TRPM3: variants seen among roughly 807,000 people sequenced by gnomAD.
The protein encoded by TRPM3 is long transient receptor potential channel 3.
A neutral mutation model predicts 181.2 loss-of-function variants in TRPM3; 77 were observed. That is an observed-to-expected ratio of 0.42 (90% CI 0.35 to 0.51). TRPM3 has a LOEUF of 0.51. Ranked by LOEUF, TRPM3 falls within the 20% of genes least tolerant of loss-of-function variation. The probability of loss-of-function intolerance (pLI) is 0.01; values close to 1 mark genes in which losing one functional copy is unlikely to be tolerated. For missense variants in TRPM3, 1,759 were observed against 2,196.7 expected (o/e 0.80, Z 3.98); for synonymous variants, 745 against 796.4 (o/e 0.94, Z 1.09).
chr9:71,315,116 C>T (rs2088434683), intron 1 of TRPM3, among the ~76,000 whole-genome samples: 1 of 152,070 alleles, frequency 6.6e-6, no homozygotes. Context: ...GTTTAATAAG[C>T]ACTGATACCC....
At chr9:71,353,667 A>G (rs2091766211) in intron 1 of TRPM3, among the ~76,000 whole-genome samples, 1 of 152,176 alleles carries the variant, frequency 6.6e-6, no homozygotes, top group Non-Finnish European at 1.5e-5. Flanking sequence ...TCCTTGACAG[A>G]TATCGCTCTT....
At chr9:71,146,380 G>A (rs1335928102) in intron 1 of TRPM3, among the ~76,000 whole-genome samples, 2 of 152,118 alleles carry the variant, frequency 1.3e-5, no homozygotes, top group South Asian at 4.1e-4. Flanking sequence ...ACATGTCAAA[G>A]ACGAAATTTT....
intron 1 of TRPM3, among the ~76,000 whole-genome samples, chr9:71,429,621 A>G (rs761644348): frequency 6.6e-6 from 1 of 152,186 alleles, no homozygotes; most frequent in Non-Finnish European, 1.5e-5. Flanking sequence ...TGCTTTCAAT[A>G]AAACATTTTA....
intron 25 of TRPM3, among the ~76,000 whole-genome samples, chr9:70,544,656 G>A (rs191331832): frequency 2.2e-4 from 34 of 151,996 alleles, no homozygotes; most frequent in Admixed American, 7.9e-4. Flanking sequence ...TCAAACAAAC[G>A]ATGGCCTAAA....
chr9:70,675,010 G>A (rs917524963), intron 9 of TRPM3, among the ~76,000 whole-genome samples: 2 of 152,014 alleles, frequency 1.3e-5, no homozygotes, highest in Admixed American at 1.3e-4. Context: ...CTAATCAACA[G>A]TATGCTTTCC....
At chr9:71,342,543 A>G (rs532287292) in intron 1 of TRPM3, among the ~76,000 whole-genome samples, 11 of 152,188 alleles carry the variant, frequency 7.2e-5, no homozygotes, top group South Asian at 6.2e-4. Context: ...TAAGTGAAAA[A>G]TGTGAAGAGA....
chr9:71,338,982 G>C (rs1437044646), intron 1 of TRPM3, among the ~76,000 whole-genome samples: 1 of 152,126 alleles, frequency 6.6e-6, no homozygotes, highest in East Asian at 1.9e-4. Flanking sequence ...GGAATGGCTA[G>C]AGAACCAATG....
At chr9:71,296,996 T>C (rs1032926153) in intron 1 of TRPM3, among the ~76,000 whole-genome samples, 1 of 145,218 alleles carries the variant, frequency 6.9e-6, no homozygotes, top group Non-Finnish European at 1.5e-5. Flanking sequence ...TTCTTTTTTT[T>C]TTTTTTTTTT....
At chr9:70,801,758 G>A (rs576141936) in intron 6 of TRPM3, among the ~76,000 whole-genome samples, 1 of 142,066 alleles carries the variant, frequency 7.0e-6, no homozygotes, top group South Asian at 2.2e-4. Flanking sequence ...GGATCTATTT[G>A]ATTGCAACAA....
intron 1 of TRPM3, among the ~76,000 whole-genome samples, chr9:71,113,328 A>G (rs914414371): frequency 1.3e-5 from 2 of 152,184 alleles, no homozygotes; most frequent in South Asian, 4.1e-4. Context: ...AGGATGGGAG[A>G]AAACAAGGCA....
rs776585817 is a variant in TRPM3, at chr9:71,121,343, C to A, written c.12G>T (p.Pro4=). The A allele has an allele frequency of 5.6e-6, 9 of 1,613,648 alleles. No individual in the cohort carries two copies. Among genetic ancestry groups the A allele is most frequent in the African/African-American group, 2.7e-5 (2 of 74,890 alleles). MPE[P]WGTVYFLGIA... ...TGCCTAGAAAATAAACGGTCCCCCA[C>A]GGCTCTGGCATCCCATGGTCATCTC... The change falls in exon 1 of 26, where the codon CCG becomes CCT. Residue 4 remains proline (P), a synonymous_variant. Coordinates refer to ENST00000677713, the MANE Select transcript of TRPM3 (RefSeq NM_001366145.2).
At chr9:71,415,965 C>T (rs1032582037) in intron 1 of TRPM3, among the ~76,000 whole-genome samples, 5 of 151,078 alleles carry the variant, frequency 3.3e-5, no homozygotes, top group African/African-American at 9.7e-5. Flanking sequence ...TTGCCTGAGG[C>T]GTTGAGAAAA....
intron 1 of TRPM3, among the ~76,000 whole-genome samples, chr9:71,405,959 T>A (rs140400500): frequency 6.6e-6 from 1 of 152,154 alleles, no homozygotes; most frequent in East Asian, 1.9e-4. Context: ...TCATTTAATA[T>A]CGCGTTATCT....
rs7872254 is a variant in TRPM3, at chr9:70,851,312, C to T, written c.463-4721G>A. Among the ~76,000 whole-genome samples, 620 of 152,312 alleles carry T rather than the reference C, an allele frequency of 4.1e-3. 7 individuals are homozygous for T. Among genetic ancestry groups the T allele is most frequent in the African/African-American group, 0.014 (588 of 41,570 alleles). On this transcript the variant is annotated intron_variant, in intron 3 of 25. Coordinates refer to ENST00000677713, the MANE Select transcript of TRPM3 (RefSeq NM_001366145.2). ...TAGATATGCATACATTATTAACTCA[C>T]ATAGTGTGAAGGGAGATTACAATTC...
At chr9:70,643,453 A>G (rs1418552689) in intron 9 of TRPM3, among the ~76,000 whole-genome samples, 1 of 152,240 alleles carries the variant, frequency 6.6e-6, no homozygotes, top group African/African-American at 2.4e-5. Flanking sequence ...GGTGAGCTAC[A>G]GGCCTGAATG....
At chr9:70,870,372 A>G (rs2095762185) in intron 1 of TRPM3, among the ~76,000 whole-genome samples, 1 of 152,056 alleles carries the variant, frequency 6.6e-6, no homozygotes, top group African/African-American at 2.4e-5. Context: ...ACATTATGAT[A>G]AATAAGAACC....
At chr9:70,563,330 C>T (rs1588460681) in intron 22 of TRPM3, among the ~76,000 whole-genome samples, 1 of 152,276 alleles carries the variant, frequency 6.6e-6, no homozygotes, top group East Asian at 1.9e-4. Context: ...GTGCTTATGG[C>T]GTTAAGTTCT....
rs552901139 is a variant in TRPM3 at position 70,790,006 on chromosome 9, CTCTT to C, written c.974-5731_974-5728del. On this transcript the variant is annotated intron_variant, in intron 6 of 25. Coordinates refer to ENST00000677713, the MANE Select transcript of TRPM3 (RefSeq NM_001366145.2). ...ATTCTAAGCAGTCTTTCTTCTTCTT[CTCTT>C]TATTAACAGCAATTAACTCTCTCTG... Among the ~76,000 whole-genome samples, 5 of 152,304 alleles carry C rather than the reference CTCTT, an allele frequency of 3.3e-5. No individual in the cohort carries two copies. The South Asian group carries it at 1.0e-3, about 32-fold the overall frequency.
intron 1 of TRPM3, among the ~76,000 whole-genome samples, chr9:70,877,659 T>C (rs991581606): frequency 2.6e-5 from 4 of 151,988 alleles, no homozygotes; most frequent in African/African-American, 7.2e-5. Context: ...GGAAACCAAG[T>C]ATCCTAATTC....
Sources: gnomAD v4.1 joint callset for allele counts (sites outside exome capture counted in the v4.1 genomes callset) on GRCh38, gnomAD v4.1.1 for gene constraint, MANE v1.5 for transcripts, NCBI Gene and HGNC (gene_info 2026-07-23, HGNC 2026-07-21) for gene names.